Variants in ACOT9 observed in about 807,000 individuals in gnomAD.
ACOT9 encodes the protein acyl-coenzyme A thioesterase 9, mitochondrial.
A neutral mutation model predicts 39.7 loss-of-function variants in ACOT9; 34 were observed. The observed-to-expected ratio is 0.86, with a 90% CI of 0.65 to 1.14. The LOEUF (loss-of-function observed/expected upper bound fraction) is 1.14, where lower values mean the gene tolerates loss of function less well. Among genes scored for constraint, ACOT9 ranks in the 50% most tolerant of loss-of-function variants. The pLI is 0.00. For synonymous variants in ACOT9, 110 were observed against 120.5 expected, an observed-to-expected ratio of 0.91 and a Z score of 0.57; for missense variants, 313 against 344.1, an observed-to-expected ratio of 0.91 and a Z score of 0.71.
intron 9 of ACOT9, among the ~76,000 whole-genome samples, chrX:23,708,220 G>C (rs1238662073): frequency 8.9e-6 from 1 of 112,524 alleles, no homozygotes; most frequent in African/African-American, 3.2e-5. Flanking sequence ...ATAGGTTGTA[G>C]AACACTCTAC....
At position 23,730,973 on chromosome X, in the gene ACOT9, C is replaced by T. The variant is rs368046594; in HGVS notation, c.205G>A (p.Ala69Thr). ...TGAAGTAATTTCCTTTCTTCCATTG[C>T]CTTCACATGGTCTCTGAGAAGAAAG... ...ASTNWRDHVK[A>T]MEERKLLHSF... is the part of the protein sequence containing the mutation. Residue 69 changes from alanine (A) to threonine (T), a missense_variant, in exon 5 of 16, where the codon GCA becomes ACA. Coordinates refer to ENST00000379303, the MANE Select transcript of ACOT9 (RefSeq NM_001037171.2). The T allele has an allele frequency of 1.7e-6, 2 of 1,206,271 alleles. No homozygotes were observed. The highest frequency in any genetic ancestry group is 3.0e-5 in the East Asian group (1 of 33,772).
chrX:23,740,210 G>A (rs1010101999), intron 1 of ACOT9, among the ~76,000 whole-genome samples: 5 of 107,683 alleles, frequency 4.6e-5, no homozygotes, highest in Admixed American at 2.0e-4. Context: ...GAGTTCAAGC[G>A]ATTCTCCAGC....
chrX:23,707,942 G>C lies in ACOT9; in HGVS notation c.665C>G (p.Pro222Arg), dbSNP rs769087648. The change falls in exon 10 of 16, where the codon CCG becomes CGG. Residue 222 changes from proline (P) to arginine (R), a missense_variant and splice_region_variant. Physicochemically the swap from Pro to Arg is moderately radical, Grantham distance 103. Coordinates refer to ENST00000379303, the MANE Select transcript of ACOT9 (RefSeq NM_001037171.2). Reference protein sequence around the residue: ...MVARDSENKGPAFVNPLIPES... With the variant: ...MVARDSENKGRAFVNPLIPES... ...AGGGATGAGTGGATTTACAAATGCCGGCCTAAAAAGAAGAAAAAAAAGAAT... is the reference window on the plus strand; with the variant it reads ...AGGGATGAGTGGATTTACAAATGCCCGCCTAAAAAGAAGAAAAAAAAGAAT... 1 of 1,194,434 alleles carries C rather than the reference G, an allele frequency of 8.4e-7. No homozygotes were observed. Among genetic ancestry groups the C allele is most frequent in the South Asian group, 1.9e-5 (1 of 53,561 alleles).
intron 8 of ACOT9, among the ~76,000 whole-genome samples, chrX:23,716,874 A>T (rs1467314301): frequency 4.6e-5 from 5 of 109,266 alleles, no homozygotes; most frequent in Non-Finnish European, 9.5e-5. Context: ...TTTTTTTTTG[A>T]GACCGAGTCT....
intron 6 of ACOT9, among the ~76,000 whole-genome samples, chrX:23,727,067 G>A (rs1203757602): frequency 4.5e-5 from 5 of 112,172 alleles, no homozygotes; most frequent in Non-Finnish European, 5.6e-5. Flanking sequence ...TGATCCACCC[G>A]CCTCGGCCTC....
Position 23,701,888 on chromosome X carries a change from C to T in ACOT9, c.*2006G>A, listed in dbSNP as rs1404657980. On this transcript the variant is annotated 3_prime_UTR_variant, in exon 16 of 16. Transcript: ENST00000379303. ...CAGGAATTTGAGACCAGCTGGCCAA[C>T]ATGGTGAAACCGCCTTTCTACTAAA... 9.0e-6 allele frequency among the ~76,000 whole-genome samples: 1 copy of T among 111,299 alleles called. No individual in the cohort carries two copies. The highest frequency in any genetic ancestry group is 1.9e-5 in the Non-Finnish European group (1 of 52,995).
At chrX:23,713,535 C>T (rs1302084883) in intron 8 of ACOT9, among the ~76,000 whole-genome samples, 6 of 98,951 alleles carry the variant, frequency 6.1e-5, no homozygotes, top group Non-Finnish European at 1.2e-4. Flanking sequence ...GCCGAGATTG[C>T]AGGCCCCTGT....
At chrX:23,728,913 T>C (rs1410462336) in intron 6 of ACOT9, among the ~76,000 whole-genome samples, 3 of 111,221 alleles carry the variant, frequency 2.7e-5, no homozygotes, top group Non-Finnish European at 1.9e-5. Context: ...ACACAGAAGC[T>C]AGCCTGAAGG....
chrX:23,704,732 T>C lies in ACOT9; in HGVS notation c.1220A>G (p.Glu407Gly). Residue 407 changes from glutamate to glycine, a missense_variant, in exon 15 of 16, where the codon GAA becomes GGA. Physicochemically the swap from Glu to Gly is moderately conservative, Grantham distance 98. Coordinates refer to ENST00000379303, the MANE Select transcript of ACOT9 (RefSeq NM_001037171.2). ...TNVFHFTFMS[E>G]KEVPLVFPKT... The stretch of plus-strand genomic sequence containing the variant: ...TGGGAAAACCAATGGCACTTCTTTT[T>C]CCGACATGAACGTGAAATGAAAGAC... 8.3e-7 allele frequency: 1 copy of C among 1,211,834 alleles called. No homozygotes were observed. The highest frequency in any genetic ancestry group is 1.7e-5 in the African/African-American group (1 of 57,901).
At chrX:23,742,980 A>T (rs1920995200) in intron 1 of ACOT9, 145 bp downstream of exon 1, 1 of 724,359 alleles carries the variant, frequency 1.4e-6, no homozygotes. Flanking sequence ...GGTCGGAGGT[A>T]CAGTGGGCGA....
At chrX:23,722,848 T>C in intron 6 of ACOT9, 95 bp from the exon 7 acceptor site, 2 of 529,287 alleles carry the variant, frequency 3.8e-6, no homozygotes, top group Middle Eastern at 3.5e-4. Context: ...AAGCCTTGTC[T>C]CGCTTGGAAG....
chrX:23,701,861 G>A lies in ACOT9; in HGVS notation c.*2033C>T, dbSNP rs892883537. Among the ~76,000 whole-genome samples, 1 of 111,312 alleles carries A rather than the reference G, an allele frequency of 9.0e-6. No individual in the cohort carries two copies. The highest frequency in any genetic ancestry group is 1.9e-5 in the Non-Finnish European group (1 of 52,987). The stretch of plus-strand genomic sequence containing the variant: ...GGCCAAGGTAGGTGGATCACCTGAG[G>A]TCAGGAATTTGAGACCAGCTGGCCA... On this transcript the variant is annotated 3_prime_UTR_variant, in exon 16 of 16. Transcript: ENST00000379303.
chrX:23,708,401 A>T (rs1227804361), intron 9 of ACOT9, among the ~76,000 whole-genome samples: 4 of 111,268 alleles, frequency 3.6e-5, no homozygotes. Context: ...GTGGTGGCAC[A>T]TGCCTGTAAT....
chrX:23,729,645 T>G (rs1929659739), intron 6 of ACOT9, among the ~76,000 whole-genome samples: 1 of 112,076 alleles, frequency 8.9e-6, no homozygotes, highest in Non-Finnish European at 1.9e-5. Flanking sequence ...TTCTTTTTTA[T>G]TTTTGAGACG....
chrX:23,704,589 G>A, intron 15 of ACOT9, 105 bp downstream of exon 15: 4 of 917,682 alleles, frequency 4.4e-6, no homozygotes, highest in Non-Finnish European at 1.5e-6. Context: ...CTGAAGACAT[G>A]CTCTTGTGCT....
chrX:23,736,021 A>T lies in ACOT9; in HGVS notation c.21-5T>A. 1 of 1,191,413 alleles carries T rather than the reference A, an allele frequency of 8.4e-7. No individual in the cohort carries two copies. The highest frequency in any genetic ancestry group is 1.1e-6 in the Non-Finnish European group (1 of 880,714). On this transcript the variant is annotated splice_region_variant and splice_polypyrimidine_tract_variant and intron_variant, in intron 1 of 15. Coordinates refer to ENST00000379303, the MANE Select transcript of ACOT9 (RefSeq NM_001037171.2). The stretch of plus-strand genomic sequence containing the variant: ...CCTTTGCCCAAGGCACAAAGCCTAT[A>T]AAACAAGATAAAACACAGAGCAGAT...
chrX:23,717,619 C>T (rs1316375937), intron 8 of ACOT9, among the ~76,000 whole-genome samples: 1 of 110,420 alleles, frequency 9.1e-6, no homozygotes, highest in Non-Finnish European at 1.9e-5. Context: ...AAAGGGAAGA[C>T]TGGAGGAGGA....
chrX:23,736,034 A>G lies in ACOT9; in HGVS notation c.21-18T>C. 8.5e-7 allele frequency: 1 copy of G among 1,181,866 alleles called. No homozygotes were observed. Among genetic ancestry groups the G allele is most frequent in the Non-Finnish European group, 1.1e-6 (1 of 873,750 alleles). On this transcript the variant is annotated intron_variant, in intron 1 of 15. Transcript: ENST00000379303. ...CACAAAGCCTATAAAACAAGATAAA[A>G]CACAGAGCAGATCCCACAGCTTCTT...
In ACOT9 at chrX:23,735,830, G is replaced by T. The variant is rs775050955; in HGVS notation, c.118+89C>A. The T allele has an allele frequency of 4.9e-4, 374 of 760,511 alleles. 2 individuals carry two copies. The highest frequency in any genetic ancestry group is 6.1e-4 in the Non-Finnish European group (317 of 522,619). 62.7% of individuals were successfully genotyped at this position (760,511 alleles called of 1,213,427 possible). A position where few individuals can be genotyped will look rare whatever the true frequency, so the allele number is the denominator to read the frequency against. The stretch of plus-strand genomic sequence containing the variant: ...GATCTACCTTTAATATGCCTCATTT[G>T]CTCTAAACTATCACTCTATATACCT... On this transcript the variant is annotated intron_variant, in intron 2 of 15. Coordinates refer to ENST00000379303, the MANE Select transcript of ACOT9 (RefSeq NM_001037171.2).
Sources: allele counts gnomAD v4.1 joint callset (sites outside exome capture counted in the v4.1 genomes callset), GRCh38; gene constraint gnomAD v4.1.1; transcripts MANE v1.5; gene names NCBI Gene and HGNC (gene_info 2026-07-23, HGNC 2026-07-21).